Variants in AHNAK observed in about 807,000 individuals in gnomAD.
AHNAK encodes neuroblast differentiation-associated protein AHNAK.
In AHNAK, 23 loss-of-function variants were observed where a neutral mutation model predicts 37.8. The observed-to-expected ratio is 0.61, with a 90% confidence interval of 0.44 to 0.86. The LOEUF (loss-of-function observed/expected upper bound fraction) is 0.86. Among genes scored for constraint, AHNAK ranks in the 40% least tolerant of loss-of-function variants. AHNAK has a pLI of 0.00. For missense variants in AHNAK, 7,411 were observed against 7,319.4 expected (o/e 1.01, Z -0.46); for synonymous variants, 2,481 against 2,636.3 (o/e 0.94, Z 1.80).
At chr11:62,433,964 C>T (rs532573386) in intron 5 of AHNAK, 9 of 1,585,464 alleles carry the variant, frequency 5.7e-6, no homozygotes, top group African/African-American at 1.4e-5. Flanking sequence ...GAAGATGGTT[C>T]GTTAACTTTG....
chr11:62,464,471 C>T (rs1938861838), intron 5 of AHNAK, among the ~76,000 whole-genome samples: 1 of 152,016 alleles, frequency 6.6e-6, no homozygotes, highest in South Asian at 2.1e-4. Flanking sequence ...AGTTTGAGAC[C>T]AGCCTGACCA....
chr11:62,474,072 A>G (rs1185665982), intron 5 of AHNAK, among the ~76,000 whole-genome samples: 1 of 152,118 alleles, frequency 6.6e-6, no homozygotes, highest in African/African-American at 2.4e-5. Context: ...CATTGTATAC[A>G]TATATCAAAT....
intron 5 of AHNAK, among the ~76,000 whole-genome samples, chr11:62,487,950 C>G (rs1374660463): frequency 2.0e-5 from 3 of 152,172 alleles, no homozygotes; most frequent in African/African-American, 7.2e-5. Flanking sequence ...AAGTTGGTTT[C>G]TAAGGAAACA....
intron 5 of AHNAK, among the ~76,000 whole-genome samples, chr11:62,485,302 G>A (rs1939367798): frequency 6.6e-6 from 1 of 152,118 alleles, no homozygotes; most frequent in Admixed American, 6.6e-5. Flanking sequence ...TGAGGTGGGA[G>A]GAGTGCTTGA....
intron 5 of AHNAK, among the ~76,000 whole-genome samples, chr11:62,485,910 A>G (rs1356370436): frequency 6.7e-6 from 1 of 149,880 alleles, no homozygotes; most frequent in African/African-American, 2.5e-5. Context: ...AGTCCCAACT[A>G]CTCAGGAGGC....
chr11:62,505,863 C>G (rs1939801751), intron 4 of AHNAK, among the ~76,000 whole-genome samples: 1 of 151,588 alleles, frequency 6.6e-6, no homozygotes, highest in Non-Finnish European at 1.5e-5. Flanking sequence ...CTTTCTTCTT[C>G]TCCAGCTCCC....
Position 62,521,717 on chromosome 11 carries a change from C to T in AHNAK, c.12700G>A (p.Glu4234Lys), listed in dbSNP as rs767898373. The change falls in exon 5 of 5, where the codon GAA (glutamate) becomes AAA (lysine). Residue 4234 changes from glutamate to lysine, a missense_variant. Physicochemically the swap from Glu to Lys is moderately conservative, Grantham distance 56. Transcript: ENST00000378024. ...CCCTTTAGTTTCGCATCTGGACCTT[C>T]GATATTCACATCAGGAACATCAATG... Reference protein sequence around the residue: ...VDIDVPDVNIEGPDAKLKGPK... With the variant: ...VDIDVPDVNIKGPDAKLKGPK... 5 of 1,613,892 alleles carry T rather than the reference C, an allele frequency of 3.1e-6. No homozygotes were observed. The highest frequency in any genetic ancestry group is 4.2e-6 in the Non-Finnish European group (5 of 1,179,994).
At position 62,522,710 on chromosome 11, in the gene AHNAK, G is replaced by T. The variant is rs1293031; in HGVS notation, c.11707C>A (p.Gln3903Lys). The T allele has an allele frequency of 9.3e-6, 15 of 1,611,404 alleles. No homozygotes were observed. The highest frequency in any genetic ancestry group is 4.4e-5 in the South Asian group (4 of 90,928). ...VSLPKVEGDM[Q>K]VPDLDIKGPK... ...CCTTTAATATCCAAGTCAGGAACTT[G>T]CATGTCACCTTCCACTTTTGGCAGA... Residue 3903 changes from glutamine (Q) to lysine (K), a missense_variant, in exon 5 of 5, where the codon CAA (glutamine) becomes AAA (lysine). Transcript: ENST00000378024.
rs143974724 is a variant in AHNAK, at chr11:62,520,870, C to T, written c.13547G>A (p.Ser4516Asn). ...KFKMPDVHFK[S>N]PQISMSDIDL... The stretch of plus-strand genomic sequence containing the variant: ...AATGTCACTCATGGAGATTTGTGGG[C>T]TTTTGAAATGTACATCAGGCATCTT... The change falls in exon 5 of 5, where the codon AGC becomes AAC. Residue 4516 changes from serine to asparagine, a missense_variant. Ser to Asn is a conservative substitution (Grantham distance 46, BLOSUM62 1). Transcript: ENST00000378024. 5.9e-4 allele frequency: 947 copies of T among 1,614,110 alleles called. 2 individuals carry two copies. The highest frequency in any genetic ancestry group is 6.2e-4 in the Non-Finnish European group (732 of 1,180,020).
intron 5 of AHNAK, among the ~76,000 whole-genome samples, chr11:62,445,259 G>A (rs1014682157): frequency 2.6e-5 from 4 of 152,044 alleles, no homozygotes; most frequent in East Asian, 1.9e-4. Context: ...GAACATTCCC[G>A]CTAAGAACTT....
At position 62,521,232 on chromosome 11, in the gene AHNAK, C is replaced by A; in HGVS notation, c.13185G>T (p.Lys4395Asn). 1 of 1,613,310 alleles carries A rather than the reference C, an allele frequency of 6.2e-7. No individual in the cohort carries two copies. Among genetic ancestry groups the A allele is most frequent in the Non-Finnish European group, 8.5e-7 (1 of 1,179,792 alleles). ...ISMPDIDFNL[K>N]GPKVKGDVDV... is the part of the protein sequence containing the mutation. ...CCACATCACCTTTCACTTTGGGACC[C>A]TTCAAGTTAAAGTCAATGTCAGGCA... The change falls in exon 5 of 5, where the codon AAG (lysine) becomes AAT (asparagine). Residue 4395 changes from lysine (K) to asparagine (N), a missense_variant. Coordinates refer to ENST00000378024, the MANE Select transcript of AHNAK (RefSeq NM_001620.3).
rs530315739 is a variant in AHNAK at position 62,492,387 on chromosome 11, T to C, written c.343-556A>G. Among the ~76,000 whole-genome samples, 3 of 152,230 alleles carry C rather than the reference T, an allele frequency of 2.0e-5. No individual in the cohort carries two copies. The South Asian group carries it at 6.2e-4, about 32-fold the overall frequency. ...GATCTCCAATCAGAGGTCGCTACCA[T>C]CTGTGGGGAAGGGGAGTGTTCCCAT... On this transcript the variant is annotated intron_variant, in intron 4 of 5. Coordinates refer to the AHNAK transcript ENST00000257247.
Position 62,522,027 on chromosome 11 carries a change from A to G in AHNAK, c.12390T>C (p.Ser4130=), listed in dbSNP as rs1283609263. 1 of 1,613,648 alleles carries G rather than the reference A, an allele frequency of 6.2e-7. No homozygotes were observed. The highest frequency in any genetic ancestry group is 8.5e-7 in the Non-Finnish European group (1 of 1,179,918). Residue 4130 remains serine (S), a synonymous_variant, in exon 5 of 5, where the codon TCT becomes TCC. Coordinates refer to ENST00000378024, the MANE Select transcript of AHNAK (RefSeq NM_001620.3). ...PDLHLKAPKI[S]MPEVDLNLKG... ...TCAGATTCAGGTCAACTTCAGGCAT[A>G]GAGATCTTCGGTGCCTTGAGGTGCA...
chr11:62,498,658 T>C (rs1240771057), intron 4 of AHNAK, among the ~76,000 whole-genome samples: 1 of 151,618 alleles, frequency 6.6e-6, no homozygotes, highest in African/African-American at 2.4e-5. Context: ...GTGCCTTTAG[T>C]AAGAGCTACT....
At chr11:62,509,477 G>A (rs1939868684) in intron 4 of AHNAK, among the ~76,000 whole-genome samples, 1 of 151,878 alleles carries the variant, frequency 6.6e-6, no homozygotes, top group South Asian at 2.1e-4. Context: ...TTGAACTCGG[G>A]AGGCAGAGGT....
Position 62,540,454 on chromosome 11 carries a change from G to A in AHNAK, c.-99-3887C>T, listed in dbSNP as rs1464484660. Among the ~76,000 whole-genome samples, 4 of 152,076 alleles carry A rather than the reference G, an allele frequency of 2.6e-5. No individual in the cohort carries two copies. In the East Asian group the frequency reaches 7.7e-4, roughly 29 times the overall value. Reference sequence around the variant, plus strand: ...AGAATGGGAGTGTGCTGGGACCCTAGTCCCAGAGCCTGCTAGCACACAGCC... The same window carrying A: ...AGAATGGGAGTGTGCTGGGACCCTAATCCCAGAGCCTGCTAGCACACAGCC... On this transcript the variant is annotated intron_variant, in intron 1 of 4. Transcript: ENST00000378024.
intron 5 of AHNAK, among the ~76,000 whole-genome samples, chr11:62,451,894 G>A (rs1309193074): frequency 4.9e-5 from 7 of 142,826 alleles, no homozygotes; most frequent in Non-Finnish European, 7.5e-5. Flanking sequence ...TGCAAGCTCC[G>A]CCTCCCAGGT....
intron 4 of AHNAK, among the ~76,000 whole-genome samples, chr11:62,507,913 A>T (rs1400424615): frequency 6.6e-6 from 1 of 152,250 alleles, no homozygotes; most frequent in Non-Finnish European, 1.5e-5. Flanking sequence ...AGGCTCATTG[A>T]AGAAAGGGGC....
In AHNAK at chr11:62,525,761, G is replaced by C. The variant is rs1376050933; in HGVS notation, c.8656C>G (p.Gln2886Glu). The change falls in exon 5 of 5, where the codon CAG becomes GAG. Residue 2886 changes from glutamine (Q) to glutamate (E), a missense_variant. Coordinates refer to ENST00000378024, the MANE Select transcript of AHNAK (RefSeq NM_001620.3). The part of the protein sequence containing the change: ...VDIDVPDVNV[Q>E]GPDWHLKMPK... ...ATCTTCAGGTGCCAGTCTGGACCCT[G>C]AACATTAACATCTGGGACATCAATG... The C allele has an allele frequency of 6.2e-7, 1 of 1,613,424 alleles. No individual in the cohort carries two copies.
Sources: gnomAD v4.1 joint callset for allele counts (sites outside exome capture counted in the v4.1 genomes callset) on GRCh38, gnomAD v4.1.1 for gene constraint, MANE v1.5 for transcripts, NCBI Gene and HGNC (gene_info 2026-07-23, HGNC 2026-07-21) for gene names.